Variants in CTNNA3 observed in about 807,000 individuals in gnomAD.
The protein encoded by CTNNA3 is catenin alpha-3.
CTNNA3 carries 76 observed loss-of-function variants against 95.7 expected under a neutral mutation model. The observed-to-expected ratio is 0.79, with a 90% CI of 0.66 to 0.96. CTNNA3 has a LOEUF of 0.96. CTNNA3 is among the 40% of genes least tolerant of loss of function. The pLI is 0.00. For synonymous variants in CTNNA3, 431 were observed against 374.4 expected (o/e 1.15, Z -1.74); for missense variants, 1,191 against 1,089.8 (o/e 1.09, Z -1.31).
At chr10:65,946,313 T>G (rs2077515721) in intron 17 of CTNNA3, among the ~76,000 whole-genome samples, 1 of 152,144 alleles carries the variant, frequency 6.6e-6, no homozygotes, top group East Asian at 1.9e-4. Flanking sequence ...CAAACTGACA[T>G]GCACACACAC....
At chr10:67,186,997 T>C (rs1265803273) in intron 6 of CTNNA3, among the ~76,000 whole-genome samples, 1 of 152,180 alleles carries the variant, frequency 6.6e-6, no homozygotes, top group East Asian at 1.9e-4. Context: ...ACAAATATAT[T>C]TGTATTGATA....
intron 5 of CTNNA3, among the ~76,000 whole-genome samples, chr10:67,457,109 A>G (rs1466553021): frequency 6.6e-6 from 1 of 152,192 alleles, no homozygotes; most frequent in Non-Finnish European, 1.5e-5. Context: ...AATATAAGAA[A>G]TACTCTGTGA....
intron 7 of CTNNA3, among the ~76,000 whole-genome samples, chr10:66,778,098 A>G (rs1840384461): frequency 6.6e-6 from 1 of 152,164 alleles, no homozygotes; most frequent in Non-Finnish European, 1.5e-5. Flanking sequence ...AATAATAAAC[A>G]GTCCCTATCA....
chr10:66,822,931 C>A (rs1463392648), intron 7 of CTNNA3, among the ~76,000 whole-genome samples: 3 of 152,146 alleles, frequency 2.0e-5, no homozygotes, highest in Non-Finnish European at 4.4e-5. Context: ...CACAGGCCAG[C>A]ACAAAGAAAG....
At chr10:66,904,248 CAAA>C (rs1160397738) in intron 7 of CTNNA3, among the ~76,000 whole-genome samples, 3 of 152,098 alleles carry the variant, frequency 2.0e-5, no homozygotes, top group Non-Finnish European at 4.4e-5. Flanking sequence ...ACAAACCTAA[CAAA>C]AACAAGAAAT....
intron 11 of CTNNA3, among the ~76,000 whole-genome samples, chr10:66,418,594 T>C (rs1186476522): frequency 7.7e-6 from 1 of 129,222 alleles, no homozygotes; most frequent in Non-Finnish European, 1.6e-5. Context: ...GAGGTATAGG[T>C]CAATATCTCT....
chr10:66,482,947 A>C (rs1839591304), intron 11 of CTNNA3, among the ~76,000 whole-genome samples: 1 of 152,190 alleles, frequency 6.6e-6, no homozygotes, highest in Admixed American at 6.5e-5. Flanking sequence ...AAATCCCAGG[A>C]AAGCTAAGCC....
At chr10:66,859,736 A>C (rs1365959194) in intron 7 of CTNNA3, among the ~76,000 whole-genome samples, 8 of 127,772 alleles carry the variant, frequency 6.3e-5, no homozygotes, top group Admixed American at 2.3e-4. Flanking sequence ...CTGCGGCACT[A>C]TTCACAATAG....
chr10:66,917,930 G>A (rs531496140), intron 7 of CTNNA3, among the ~76,000 whole-genome samples: 5 of 152,068 alleles, frequency 3.3e-5, no homozygotes, highest in Admixed American at 3.3e-4. Flanking sequence ...TTGGTTAAGA[G>A]GTTTTTATAG....
intron 7 of CTNNA3, among the ~76,000 whole-genome samples, chr10:66,865,835 C>T (rs1844152983): frequency 6.6e-6 from 1 of 151,678 alleles, no homozygotes; most frequent in South Asian, 2.1e-4. Context: ...TAAAATACAC[C>T]ATAAGTTGAA....
chr10:66,577,431 G>A (rs1843041498), intron 10 of CTNNA3, among the ~76,000 whole-genome samples: 1 of 151,994 alleles, frequency 6.6e-6, no homozygotes, highest in Admixed American at 6.6e-5. Flanking sequence ...TATTTCCTAA[G>A]TTTTCTTCTA....
intron 3 of CTNNA3, among the ~76,000 whole-genome samples, chr10:67,573,173 T>C (rs1028058258): frequency 6.6e-5 from 10 of 152,190 alleles, no homozygotes; most frequent in South Asian, 4.2e-4. Flanking sequence ...CATGACATCA[T>C]TACGAATTGG....
At chr10:66,810,159 A>G (rs1317102362) in intron 7 of CTNNA3, among the ~76,000 whole-genome samples, 2 of 152,220 alleles carry the variant, frequency 1.3e-5, no homozygotes, top group Non-Finnish European at 1.5e-5. Context: ...CTCTTTTAGT[A>G]TAATGAATAA....
intron 1 of CTNNA3, among the ~76,000 whole-genome samples, chr10:67,758,631 T>A (rs1042912215): frequency 7.9e-5 from 12 of 152,070 alleles, no homozygotes; most frequent in African/African-American, 2.9e-4. Context: ...TCAGTTGCCT[T>A]TATAAAAACC....
chr10:66,088,465 T>A (rs1182828634), intron 14 of CTNNA3, among the ~76,000 whole-genome samples: 3 of 149,978 alleles, frequency 2.0e-5, no homozygotes, highest in Non-Finnish European at 4.4e-5. Context: ...GTTTCATATT[T>A]ATGTAGATAG....
At chr10:67,150,103 G>A (rs536779577) in intron 7 of CTNNA3, among the ~76,000 whole-genome samples, 2 of 152,180 alleles carry the variant, frequency 1.3e-5, no homozygotes, top group East Asian at 3.9e-4. Context: ...TTATGCATAT[G>A]AATAATTTAT....
intron 5 of CTNNA3, among the ~76,000 whole-genome samples, chr10:67,285,282 G>A (rs1839553598): frequency 6.6e-6 from 1 of 152,110 alleles, no homozygotes; most frequent in Non-Finnish European, 1.5e-5. Context: ...CTCCTTTACA[G>A]CATTGCAGAG....
chr10:66,414,446 T>C (rs890856180), intron 11 of CTNNA3, among the ~76,000 whole-genome samples: 3 of 152,258 alleles, frequency 2.0e-5, no homozygotes, highest in African/African-American at 4.8e-5. Flanking sequence ...AGGTGAGAGA[T>C]GCTCAGCAGC....
chr10:67,713,716 A>G (rs1157081954), intron 1 of CTNNA3, among the ~76,000 whole-genome samples: 1 of 152,198 alleles, frequency 6.6e-6, no homozygotes, highest in African/African-American at 2.4e-5. Flanking sequence ...GTTCTCACTC[A>G]TAAGTGGGAG....
Sources: allele counts gnomAD v4.1 joint callset (sites outside exome capture counted in the v4.1 genomes callset), GRCh38; gene constraint gnomAD v4.1.1; transcripts MANE v1.5; gene names NCBI Gene and HGNC (gene_info 2026-07-23, HGNC 2026-07-21).